Variants in ANO2 observed in about 807,000 individuals in gnomAD.
The protein encoded by ANO2 is anoctamin-2.
Under a neutral mutation model 124.2 loss-of-function variants are expected in ANO2, and 101 were observed. The ratio of observed to expected loss-of-function variants is 0.81; its 90% confidence interval spans 0.69 to 0.96. The LOEUF is 0.96. ANO2 is among the 40% of genes least tolerant of loss of function. The probability of loss-of-function intolerance (pLI) is 0.00; values close to 1 mark genes in which losing one functional copy is unlikely to be tolerated. For synonymous variants in ANO2, 486 were observed against 482.5 expected (o/e 1.01, Z -0.09); for missense variants, 1,293 against 1,274.5 (o/e 1.01, Z -0.22).
At chr12:5,645,470 C>G (rs995947756) in intron 15 of ANO2, among the ~76,000 whole-genome samples, 1 of 151,904 alleles carries the variant, frequency 6.6e-6, no homozygotes, top group South Asian at 2.1e-4. Flanking sequence ...CACATATATA[C>G]ATGGCATATA....
intron 3 of ANO2, among the ~76,000 whole-genome samples, chr12:5,913,122 G>A (rs556133414): frequency 4.6e-5 from 7 of 152,250 alleles, no homozygotes; most frequent in Middle Eastern, 3.4e-3. Flanking sequence ...ACGGAGCAAC[G>A]GGCAGGAAGG....
intron 10 of ANO2, among the ~76,000 whole-genome samples, chr12:5,776,319 T>C (rs1046632757): frequency 2.6e-5 from 4 of 152,332 alleles, no homozygotes; most frequent in African/African-American, 9.6e-5. Context: ...TAGGTGAATA[T>C]GGAGACTTAC....
chr12:5,688,191 G>C (rs557481739), intron 14 of ANO2, among the ~76,000 whole-genome samples: 4 of 152,180 alleles, frequency 2.6e-5, no homozygotes, highest in South Asian at 2.1e-4. Context: ...TCCAAATCGG[G>C]ACCTGAGCAG....
At chr12:5,810,240 G>A (rs1274458779) in intron 7 of ANO2, among the ~76,000 whole-genome samples, 3 of 152,140 alleles carry the variant, frequency 2.0e-5, no homozygotes, top group African/African-American at 7.2e-5. Flanking sequence ...GGAGAGGCAT[G>A]TTGAAAAGTA....
At chr12:5,852,717 G>A (rs1237661836) in intron 4 of ANO2, among the ~76,000 whole-genome samples, 1 of 152,102 alleles carries the variant, frequency 6.6e-6, no homozygotes, top group East Asian at 1.9e-4. Flanking sequence ...GATCACAGTG[G>A]TGGTACAGAA....
intron 3 of ANO2, among the ~76,000 whole-genome samples, chr12:5,863,619 T>C (rs1254903168): frequency 6.6e-6 from 1 of 152,224 alleles, no homozygotes; most frequent in African/African-American, 2.4e-5. Flanking sequence ...ATGTTCATTT[T>C]CTTGATTACA....
chr12:5,921,512 G>A (rs1378785046), intron 2 of ANO2, 146 bp from the exon 3 acceptor site: 2 of 766,750 alleles, frequency 2.6e-6, no homozygotes, highest in African/African-American at 3.5e-5. Context: ...CCCAGTAAAA[G>A]GACCGAATGG....
chr12:5,578,302 G>A, intron 21 of ANO2, 64 bp downstream of exon 21: 2 of 1,566,384 alleles, frequency 1.3e-6, no homozygotes, highest in East Asian at 2.3e-5. Context: ...TGGTGTGACT[G>A]TGGCCAGAGG....
At chr12:5,630,578 T>C (rs1945666743) in intron 16 of ANO2, among the ~76,000 whole-genome samples, 1 of 152,236 alleles carries the variant, frequency 6.6e-6, no homozygotes, top group Non-Finnish European at 1.5e-5. Flanking sequence ...AAGGAATACA[T>C]AAATGCTCAC....
At chr12:5,811,478 T>C (rs1953388639) in intron 7 of ANO2, among the ~76,000 whole-genome samples, 1 of 151,766 alleles carries the variant, frequency 6.6e-6, no homozygotes, top group Non-Finnish European at 1.5e-5. Context: ...TAAGACATCG[T>C]CTCCTGATTG....
chr12:5,809,759 T>C (rs971899822), intron 7 of ANO2, among the ~76,000 whole-genome samples: 3 of 152,306 alleles, frequency 2.0e-5, no homozygotes, highest in Admixed American at 6.5e-5. Context: ...GGTTTGCTCA[T>C]TGTTTTGTGT....
chr12:5,926,130 G>T (rs1404819475), intron 1 of ANO2, among the ~76,000 whole-genome samples: 1 of 152,180 alleles, frequency 6.6e-6, no homozygotes, highest in Non-Finnish European at 1.5e-5. Flanking sequence ...AACAGTCAAC[G>T]AGCTGGAAAT....
intron 14 of ANO2, among the ~76,000 whole-genome samples, chr12:5,675,513 G>A (rs995708654): frequency 2.0e-5 from 3 of 152,086 alleles, no homozygotes; most frequent in African/African-American, 4.8e-5. Flanking sequence ...CCAGACCCTC[G>A]TATTTCCAAA....
At position 5,635,020 on chromosome 12, in the gene ANO2, ATTTCTCTAAT is replaced by A; in HGVS notation, c.1816+122_1816+131del. The A allele has an allele frequency of 2.5e-6, 2 of 788,596 alleles. No individual in the cohort carries two copies. The highest frequency in any genetic ancestry group is 5.6e-5 in the South Asian group (2 of 35,604). 48.8% of individuals were successfully genotyped at this position (788,596 alleles called of 1,614,324 possible). The stretch of plus-strand genomic sequence containing the variant: ...AAATACACACACGTTGCACTTCCCC[ATTTCTCTAAT>A]TAAAATGCACTGTACAAAGCATCCT... On this transcript the variant is annotated intron_variant, in intron 16 of 24. Transcript: ENST00000682330. This position sits in a 1 kb window ranked among gnomAD's most constrained non-coding sequence, Gnocchi z 5.2.
At chr12:5,914,729 A>G (rs573221754) in intron 3 of ANO2, among the ~76,000 whole-genome samples, 26 of 152,168 alleles carry the variant, frequency 1.7e-4, no homozygotes, top group Admixed American at 8.5e-4. Context: ...GCTGCCCACA[A>G]GGATGAAGCT....
In ANO2 at chr12:5,563,305, A is replaced by T. The variant is rs1941545948; in HGVS notation, c.2991T>A (p.Asn997Lys). ...SMMSSGSQHT[N>K]V ...CTGCTGCAGGCTGAACTGCTCACAC[A>T]TTGGTGTGCTGAGAGCCTGACGACA... Residue 997 changes from asparagine to lysine, a missense_variant, in exon 25 of 25, where the codon AAT (asparagine) becomes AAA (lysine). Transcript: ENST00000682330. The T allele has an allele frequency of 6.3e-7, 1 of 1,598,294 alleles. No individual in the cohort carries two copies. The highest frequency in any genetic ancestry group is 8.5e-7 in the Non-Finnish European group (1 of 1,176,336).
intron 4 of ANO2, among the ~76,000 whole-genome samples, chr12:5,838,221 CA>C (rs1954390901): frequency 6.6e-6 from 1 of 152,156 alleles, no homozygotes; most frequent in Non-Finnish European, 1.5e-5. Context: ...TTACTGGGAC[CA>C]GGAGTGGGAC....
At chr12:5,594,224 G>A (rs1591692000) in intron 20 of ANO2, among the ~76,000 whole-genome samples, 1 of 152,280 alleles carries the variant, frequency 6.6e-6, no homozygotes, top group East Asian at 1.9e-4. Context: ...AACCTGAATT[G>A]CTCAAGAGAC....
intron 10 of ANO2, among the ~76,000 whole-genome samples, chr12:5,789,693 AT>A (rs567377127): frequency 1.3e-5 from 2 of 151,918 alleles, no homozygotes; most frequent in Non-Finnish European, 2.9e-5. Context: ...AGGTTTGTGT[AT>A]TTTTTTTCCT....
Sources: gnomAD v4.1 joint callset for allele counts (sites outside exome capture counted in the v4.1 genomes callset) on GRCh38, gnomAD v4.1.1 for gene constraint, Gnocchi (gnomAD v3.1) non-coding constraint, MANE v1.5 for transcripts, NCBI Gene and HGNC (gene_info 2026-07-23, HGNC 2026-07-21) for gene names.